The following ANKRD28 variants were observed in gnomAD, a reference collection of about 807,000 sequenced individuals.
The protein encoded by ANKRD28 is serine/threonine-protein phosphatase 6 regulatory ankyrin repeat subunit A.
Under a neutral mutation model 126.5 loss-of-function variants are expected in ANKRD28, and 44 were observed. That is an observed-to-expected ratio of 0.35 (90% CI 0.27 to 0.45). The LOEUF (loss-of-function observed/expected upper bound fraction) is 0.45. Ranked by LOEUF, ANKRD28 falls within the 20% of genes least tolerant of loss-of-function variation. The pLI is 1.00. For synonymous variants in ANKRD28, 442 were observed against 468.5 expected (o/e 0.94, Z 0.73); for missense variants, 1,110 against 1,316.6 (o/e 0.84, Z 2.43).
At chr3:15,671,806 A>C (rs924147539) in intron 27 of ANKRD28, among the ~76,000 whole-genome samples, 1 of 151,930 alleles carries the variant, frequency 6.6e-6, no homozygotes, top group African/African-American at 2.4e-5. Flanking sequence ...GCTGGTCTCA[A>C]ACTCCTGGCC....
At chr3:15,708,690 ATTTTTG>A (rs2071808522) in intron 13 of ANKRD28, among the ~76,000 whole-genome samples, 1 of 152,136 alleles carries the variant, frequency 6.6e-6, no homozygotes, top group Non-Finnish European at 1.5e-5. Flanking sequence ...TGATTTTTTT[ATTTTTG>A]TGGGTCATTA....
intron 14 of ANKRD28, among the ~76,000 whole-genome samples, chr3:15,703,355 C>T (rs1171471142): frequency 6.6e-6 from 1 of 152,184 alleles, no homozygotes; most frequent in Non-Finnish European, 1.5e-5. Flanking sequence ...TTTATGTCCC[C>T]CCACACCCAT....
In ANKRD28 at chr3:15,850,224, T is replaced by TATATATATATAG. The variant is rs1418223588; in HGVS notation, c.27+9152_27+9153insCTATATATATAT. Among the ~76,000 whole-genome samples, 72 of 35,098 alleles carry TATATATATATAG rather than the reference T, an allele frequency of 2.1e-3. 3 individuals carry two copies. Among genetic ancestry groups the TATATATATATAG allele is most frequent in the East Asian group, 3.0e-3 (2 of 666 alleles). The allele number at this position is 35,098 out of a possible 152,430, so 23.0% of individuals were successfully genotyped here. ...AAAAAAATATATATATATATATATA[T>TATATATATATAG]AGAGAGAGAGAGAGAGAGAGAGAGA... is the stretch of plus-strand genomic sequence containing the variant. On this transcript the variant is annotated intron_variant, in intron 1 of 27. Coordinates refer to the ANKRD28 transcript ENST00000399451.
chr3:15,825,353 A>G (rs1244406383), intron 1 of ANKRD28, among the ~76,000 whole-genome samples: 1 of 152,204 alleles, frequency 6.6e-6, no homozygotes, highest in Non-Finnish European at 1.5e-5. Context: ...TTCAAATTAA[A>G]TCCATAATCT....
chr3:15,692,011 ATG>A lies in ANKRD28; in HGVS notation c.1762-1793_1762-1792del, dbSNP rs201701430. ...ATAAATAAGCTGGACCTGGTGGCAC[ATG>A]CCTGTGGTCCCAGCTATGCAGGAGG... On this transcript the variant is annotated intron_variant, in intron 17 of 27. Coordinates refer to ENST00000683139, the MANE Select transcript of ANKRD28 (RefSeq NM_001349278.2). Among the ~76,000 whole-genome samples the A allele has an allele frequency of 7.4e-3, 1,122 of 152,124 alleles. 10 individuals carry two copies. The highest frequency in any genetic ancestry group is 0.025 in the African/African-American group (1,024 of 41,492).
chr3:15,685,906 C>A (rs996397629), intron 20 of ANKRD28, 96 bp downstream of exon 20: 1 of 943,736 alleles, frequency 1.1e-6, no homozygotes, highest in South Asian at 1.7e-5. Context: ...ATTTGACGAA[C>A]ATTTAATGAA....
intron 17 of ANKRD28, among the ~76,000 whole-genome samples, chr3:15,690,589 G>A (rs2125824575): frequency 6.6e-6 from 1 of 152,192 alleles, no homozygotes; most frequent in African/African-American, 2.4e-5. Context: ...TTTTGAGACA[G>A]GGTCTTGCTC....
Position 15,711,242 on chromosome 3 carries a change from T to C in ANKRD28, c.1306A>G (p.Arg436Gly), listed in dbSNP as rs764442688. Residue 436 changes from arginine to glycine, a missense_variant, in exon 12 of 28, where the codon AGG becomes GGG. By Grantham distance (125) the Arg-to-Gly change is moderately radical. Transcript: ENST00000683139. ...FDIDTPDDFG[R>G]TCLHAAAAGG... is the part of the protein sequence containing the mutation. ...GCTGCAGCTGCATGTAGACAAGTCC[T>C]GCCAAAATCATCTGGGGTATCTATA... is the stretch of plus-strand genomic sequence containing the variant. The C allele has an allele frequency of 3.7e-6, 6 of 1,612,692 alleles. No individual in the cohort carries two copies.
chr3:15,729,634 C>G (rs1559421553), intron 6 of ANKRD28, among the ~76,000 whole-genome samples: 1 of 151,928 alleles, frequency 6.6e-6, no homozygotes, highest in Non-Finnish European at 1.5e-5. Flanking sequence ...TTTAAAAATC[C>G]CTTCATAGAT....
chr3:15,693,984 A>AT (rs2069167989), intron 17 of ANKRD28, among the ~76,000 whole-genome samples: 1 of 152,154 alleles, frequency 6.6e-6, no homozygotes, highest in Non-Finnish European at 1.5e-5. Flanking sequence ...CCTTATAAGC[A>AT]TTTTACTAAA....
intron 17 of ANKRD28, among the ~76,000 whole-genome samples, chr3:15,691,796 C>A (rs1483237959): frequency 1.3e-5 from 2 of 152,106 alleles, no homozygotes; most frequent in African/African-American, 4.8e-5. Context: ...AAAGAATGAA[C>A]TCTGAGGAAT....
At chr3:15,697,491 T>C (rs2069802240) in intron 14 of ANKRD28, 1 of 151,910 alleles carries the variant, frequency 6.6e-6, no homozygotes, top group Non-Finnish European at 1.5e-5. Context: ...ACAATAAAAA[T>C]AAATTTAATC....
At chr3:15,699,614 G>A (rs1335220294) in intron 14 of ANKRD28, among the ~76,000 whole-genome samples, 2 of 152,166 alleles carry the variant, frequency 1.3e-5, no homozygotes, top group Non-Finnish European at 2.9e-5. Context: ...CATTTATGCA[G>A]CCAATAGACA....
At chr3:15,777,132 G>T (rs1209253035) in intron 2 of ANKRD28, among the ~76,000 whole-genome samples, 2 of 151,972 alleles carry the variant, frequency 1.3e-5, no homozygotes, top group African/African-American at 4.8e-5. Flanking sequence ...AAATTAGCTG[G>T]GCTTAGCAGT....
chr3:15,850,251 AG>A (rs1323747641), intron 1 of ANKRD28, among the ~76,000 whole-genome samples: 17 of 141,106 alleles, frequency 1.2e-4, no homozygotes, highest in Admixed American at 3.6e-4. Context: ...AGAGAGAGAG[AG>A]AGAGAGAGAG....
At chr3:15,842,848 A>T (rs2061451976) in intron 1 of ANKRD28, among the ~76,000 whole-genome samples, 1 of 152,236 alleles carries the variant, frequency 6.6e-6, no homozygotes, top group Non-Finnish European at 1.5e-5. Context: ...CTAACCAAAG[A>T]AATTCAACTC....
rs372304733 is a variant in ANKRD28 at position 15,738,304 on chromosome 3, G to A, written c.352-1071C>T. Among the ~76,000 whole-genome samples the A allele has an allele frequency of 2.7e-3, 417 of 152,224 alleles. 1 individual carries two copies. The highest frequency in any genetic ancestry group is 9.7e-3 in the African/African-American group (401 of 41,540). On this transcript the variant is annotated intron_variant, in intron 4 of 27. Coordinates refer to ENST00000683139, the MANE Select transcript of ANKRD28 (RefSeq NM_001349278.2). Reference sequence around the variant, plus strand: ...TGGGGAGACATCACATGCCCAAGCCGCAAAACCAGCAAGTTTTTATTAGTG... The same window carrying A: ...TGGGGAGACATCACATGCCCAAGCCACAAAACCAGCAAGTTTTTATTAGTG...
intron 27 of ANKRD28, among the ~76,000 whole-genome samples, chr3:15,672,727 AG>A (rs2066502878): frequency 6.6e-6 from 1 of 152,104 alleles, no homozygotes; most frequent in African/African-American, 2.4e-5. Context: ...AGCTTGTTTC[AG>A]GTGTGTTTTC....
At position 15,670,400 on chromosome 3, in the gene ANKRD28, C is replaced by T; in HGVS notation, c.3122G>A (p.Ser1041Asn). The T allele has an allele frequency of 1.2e-6, 2 of 1,613,906 alleles. No individual in the cohort carries two copies. The highest frequency in any genetic ancestry group is 1.7e-6 in the Non-Finnish European group (2 of 1,179,852). ...NRYTNTSKTV[S>N]FEALPIMRNE... ...CCTCATGATGGGCAAAGCTTCAAAG[C>T]TGACTGTTTTTGAGGTGTTGGTATA... The change falls in exon 28 of 28, where the codon AGC (serine) becomes AAC (asparagine). Residue 1041 changes from serine to asparagine, a missense_variant. By Grantham distance (46) the Ser-to-Asn change is conservative. Transcript: ENST00000683139.
Sources: allele counts gnomAD v4.1 joint callset (sites outside exome capture counted in the v4.1 genomes callset), GRCh38; gene constraint gnomAD v4.1.1; transcripts MANE v1.5; gene names NCBI Gene and HGNC (gene_info 2026-07-23, HGNC 2026-07-21).